TAB2: variants seen among roughly 807,000 people sequenced by gnomAD.
The protein encoded by TAB2 is TGF-beta activated kinase 1 (MAP3K7) binding protein 2.
In TAB2, 3 loss-of-function variants were observed where a neutral mutation model predicts 65.0. That is an observed-to-expected ratio of 0.05 (90% CI 0.02 to 0.12). TAB2 has a LOEUF of 0.12. Among genes scored for constraint, TAB2 ranks in the 10% least tolerant of loss-of-function variants. The pLI is 1.00. For synonymous variants in TAB2, 298 were observed against 285.1 expected (o/e 1.05, Z -0.46); for missense variants, 623 against 840.3 (o/e 0.74, Z 3.20).
chr6:149,400,630 A>T, intron 6 of TAB2: 4 of 1,614,250 alleles, frequency 2.5e-6, no homozygotes, highest in Middle Eastern at 3.3e-4. Flanking sequence ...GAAATGGAAG[A>T]TGAAGATACA....
At chr6:149,360,860 A>G (rs1446426109) in intron 1 of TAB2, among the ~76,000 whole-genome samples, 3 of 152,186 alleles carry the variant, frequency 2.0e-5, no homozygotes, top group Non-Finnish European at 4.4e-5. Flanking sequence ...CAAAAGGGAG[A>G]AATTGGCCAA....
At chr6:149,247,957 C>T (rs1777760699) in intron 1 of TAB2, 1 of 152,200 alleles carries the variant, frequency 6.6e-6, no homozygotes, top group Non-Finnish European at 1.5e-5. Flanking sequence ...ATACCTAATG[C>T]ATGCAGGACT....
intron 1 of TAB2, among the ~76,000 whole-genome samples, chr6:149,271,756 G>T (rs770481340): frequency 1.3e-5 from 2 of 152,096 alleles, no homozygotes; most frequent in Non-Finnish European, 2.9e-5. Flanking sequence ...AGGAAATGGA[G>T]GTGTGGTAAC....
At chr6:149,394,597 ATTATGAGGCATTGCATCAATTT>A (rs1375449658) in intron 3 of TAB2, among the ~76,000 whole-genome samples, 4 of 152,170 alleles carry the variant, frequency 2.6e-5, no homozygotes, top group Admixed American at 6.5e-5. Context: ...TCAGGTTATT[ATTATGAGGCATTGCATCAATTT>A]AGTCAGGAGT....
At chr6:149,349,359 G>A (rs1780412260) in intron 1 of TAB2, among the ~76,000 whole-genome samples, 1 of 148,538 alleles carries the variant, frequency 6.7e-6, no homozygotes, top group African/African-American at 2.5e-5. Flanking sequence ...GGCGGAGGTT[G>A]CAATGAGCCG....
At chr6:149,242,145 C>A (rs966591885) in intron 1 of TAB2, among the ~76,000 whole-genome samples, 1 of 152,174 alleles carries the variant, frequency 6.6e-6, no homozygotes, top group African/African-American at 2.4e-5. Flanking sequence ...TGTATTGAAA[C>A]AATGCTCTTG....
At chr6:149,363,243 C>T (rs912324283) in intron 1 of TAB2, among the ~76,000 whole-genome samples, 2 of 152,026 alleles carry the variant, frequency 1.3e-5, no homozygotes, top group African/African-American at 4.8e-5. Context: ...GCACTGAGTT[C>T]TAAAGCTAAA....
chr6:149,402,699 T>TA (rs1782476070), intron 6 of TAB2, among the ~76,000 whole-genome samples: 1 of 152,096 alleles, frequency 6.6e-6, no homozygotes, highest in Non-Finnish European at 1.5e-5. Flanking sequence ...AGACCAATAT[T>TA]ACTGATGAAC....
At chr6:149,264,071 A>T (rs1209276757) in intron 1 of TAB2, among the ~76,000 whole-genome samples, 1 of 152,224 alleles carries the variant, frequency 6.6e-6, no homozygotes, top group Admixed American at 6.5e-5. Context: ...ACGCACAGGC[A>T]GGCCGCTGTA....
intron 1 of TAB2, among the ~76,000 whole-genome samples, chr6:149,355,523 C>T (rs780376220): frequency 1.3e-5 from 2 of 151,850 alleles, no homozygotes; most frequent in African/African-American, 4.8e-5. Context: ...AAAAATTAGC[C>T]GGGCGTGGTG....
chr6:149,376,895 C>A (rs1009730573), intron 2 of TAB2, among the ~76,000 whole-genome samples: 4 of 150,220 alleles, frequency 2.7e-5, no homozygotes, highest in Non-Finnish European at 5.9e-5. Context: ...TTCCCCCCCC[C>A]CACTCTGGAG....
intron 1 of TAB2, among the ~76,000 whole-genome samples, chr6:149,228,455 G>T (rs774229115): frequency 6.6e-6 from 1 of 152,062 alleles, no homozygotes; most frequent in Non-Finnish European, 1.5e-5. Context: ...TATACTGTAC[G>T]GAGCTCTCAA....
chr6:149,289,372 T>A (rs1209865561), intron 1 of TAB2, among the ~76,000 whole-genome samples: 2 of 147,970 alleles, frequency 1.4e-5, no homozygotes, highest in Non-Finnish European at 3.0e-5. Flanking sequence ...CTAGCCTGAG[T>A]GACATAGCAA....
intron 1 of TAB2, among the ~76,000 whole-genome samples, chr6:149,353,549 G>A (rs1336470443): frequency 6.6e-6 from 1 of 152,128 alleles, no homozygotes; most frequent in South Asian, 2.1e-4. Flanking sequence ...AAAATCAAGC[G>A]GGGAACGACC....
chr6:149,403,521 A>G (rs1161905826), intron 6 of TAB2, among the ~76,000 whole-genome samples: 1 of 151,682 alleles, frequency 6.6e-6, no homozygotes, highest in Non-Finnish European at 1.5e-5. Context: ...TCAACGTAGT[A>G]CAGGAAGTTC....
intron 1 of TAB2, among the ~76,000 whole-genome samples, chr6:149,240,407 A>G (rs1014120771): frequency 2.0e-5 from 3 of 152,212 alleles, no homozygotes; most frequent in African/African-American, 7.2e-5. Flanking sequence ...CAGAATGCAG[A>G]AAACTGCCCA....
chr6:149,397,259 T>C (rs1479331056), intron 3 of TAB2, among the ~76,000 whole-genome samples: 1 of 152,118 alleles, frequency 6.6e-6, no homozygotes, highest in Non-Finnish European at 1.5e-5. Flanking sequence ...CTGACCAACA[T>C]GGTGAAACCT....
chr6:149,389,171 G>C (rs137982274), intron 3 of TAB2, among the ~76,000 whole-genome samples: 5 of 151,588 alleles, frequency 3.3e-5, no homozygotes, highest in Non-Finnish European at 7.4e-5. Flanking sequence ...GGCCAGGATG[G>C]TCTCAATCTC....
At chr6:149,370,593 A>C (rs1781191802) in intron 2 of TAB2, among the ~76,000 whole-genome samples, 1 of 152,162 alleles carries the variant, frequency 6.6e-6, no homozygotes, top group African/African-American at 2.4e-5. Flanking sequence ...TCCCAATTCC[A>C]AATGGGGGAA....
Sources: allele counts gnomAD v4.1 joint callset (sites outside exome capture counted in the v4.1 genomes callset), GRCh38; gene constraint gnomAD v4.1.1; transcripts MANE v1.5; gene names NCBI Gene and HGNC (gene_info 2026-07-23, HGNC 2026-07-21).